CR1: variants seen among roughly 807,000 people sequenced by gnomAD.
The protein encoded by CR1 is complement receptor type 1.
CR1 carries 116 observed loss-of-function variants against 187.3 expected under a neutral mutation model. The ratio of observed to expected loss-of-function variants is 0.62; its 90% CI spans 0.53 to 0.72. The LOEUF (loss-of-function observed/expected upper bound fraction) is 0.72, where lower values mean the gene tolerates loss of function less well. Among genes scored for constraint, CR1 ranks in the 30% least tolerant of loss-of-function variants. The pLI is 0.00. For missense variants in CR1, 1,731 were observed against 2,110.7 expected (o/e 0.82, Z 3.52); for synonymous variants, 576 against 747.1 (o/e 0.77, Z 3.73).
At chr1:207,506,896 A>G in intron 3 of CR1, 83 bp downstream of exon 3, 1 of 1,127,222 alleles carries the variant, frequency 8.9e-7, no homozygotes. Flanking sequence ...CATGTCAGAA[A>G]GGACAACTAA....
At chr1:207,633,141 C>T (rs1662702195) in intron 46 of CR1, among the ~76,000 whole-genome samples, 1 of 152,198 alleles carries the variant, frequency 6.6e-6, no homozygotes, top group Non-Finnish European at 1.5e-5. Context: ...TCTAAATTCC[C>T]TGAACCCAGC....
intron 4 of CR1, among the ~76,000 whole-genome samples, chr1:207,515,702 C>G (rs1186912262): frequency 6.6e-6 from 1 of 151,962 alleles, no homozygotes; most frequent in African/African-American, 2.4e-5. Flanking sequence ...AAGTGCTATT[C>G]CAAACTTTTG....
intron 29 of CR1, 65 bp from the exon 30 acceptor site, chr1:207,580,175 G>T: frequency 6.3e-7 from 1 of 1,584,074 alleles, no homozygotes; most frequent in Non-Finnish European, 8.6e-7. Flanking sequence ...TAGCTATGAG[G>T]TCTTCAGGAA....
At position 207,617,600 on chromosome 1, in the gene CR1, TATATATATATATAGAGAGAGAGAG is replaced by T. The variant is rs1185676394; in HGVS notation, c.6890-469_6890-446del. 7.0e-3 allele frequency among the ~76,000 whole-genome samples: 230 copies of T among 32,976 alleles called. 1 individual carries two copies. Among genetic ancestry groups the T allele is most frequent in the Middle Eastern group, 0.013 (1 of 76 alleles). The allele number at this position is 32,976 out of a possible 152,430, so 21.6% of individuals were successfully genotyped here. ...GTGTATATATATATATATATATATATATATATATATATAGAGAGAGAGAGAGAGAGAGAGAGAGAGAGAGAGAGA... is the reference window on the plus strand; with the variant it reads ...GTGTATATATATATATATATATATATAGAGAGAGAGAGAGAGAGAGAGAGA... On this transcript the variant is annotated intron_variant, in intron 41 of 46. Transcript: ENST00000367049.
At position 207,577,234 on chromosome 1, in the gene CR1, G is replaced by C. The variant is rs562078041; in HGVS notation, c.4538-571G>C. ...CCACTGCACTCCAGTGTGGGGAACA[G>C]AGTGAGGATCTGTTAAAACAAACAA... On this transcript the variant is annotated intron_variant, in intron 28 of 46. Coordinates refer to ENST00000367049, the MANE Select transcript of CR1 (RefSeq NM_000651.6). Among the ~76,000 whole-genome samples, 52 of 150,912 alleles carry C rather than the reference G, an allele frequency of 3.4e-4. No individual in the cohort carries two copies. In the South Asian group the frequency reaches 0.011, roughly 32 times the overall value.
intron 34 of CR1, 90 bp downstream of exon 34, chr1:207,587,655 T>C (rs1439536587): frequency 1.6e-6 from 2 of 1,287,556 alleles, no homozygotes; most frequent in East Asian, 5.0e-5. Context: ...TCCCATCACT[T>C]TGGGAGGCCA....
intron 45 of CR1, among the ~76,000 whole-genome samples, chr1:207,626,546 C>T (rs1337505285): frequency 2.6e-5 from 4 of 152,128 alleles, no homozygotes; most frequent in Admixed American, 2.6e-4. Flanking sequence ...TGGAGAGTAT[C>T]GTAGTGGTCA....
rs1392069083 is a variant in CR1, at chr1:207,567,592, T to A, written c.3953-232T>A. Among the ~76,000 whole-genome samples the A allele has an allele frequency of 1.3e-5, 2 of 150,346 alleles. 1 individual carries two copies. The highest frequency in any genetic ancestry group is 5.0e-5 in the African/African-American group (2 of 39,716). On this transcript the variant is annotated intron_variant, in intron 24 of 46. Transcript: ENST00000367049. ...TGCTACTTCATTAAAGTTGTAAAGT[T>A]TCTACTGTCCAGGAACTGTTACTAT...
At chr1:207,609,745 G>A in intron 37 of CR1, 57 bp downstream of exon 37, 7 of 1,465,354 alleles carry the variant, frequency 4.8e-6, no homozygotes, top group Non-Finnish European at 6.3e-6. Flanking sequence ...GATGATAGGA[G>A]TTGTTGAAAT....
At chr1:207,614,340 G>A (rs1662029968) in intron 39 of CR1, 64 bp from the exon 40 acceptor site, 4 of 1,290,090 alleles carry the variant, frequency 3.1e-6, no homozygotes, top group Non-Finnish European at 4.5e-6. Context: ...GCATCTATTA[G>A]CGAAGAAATC....
intron 3 of CR1, among the ~76,000 whole-genome samples, chr1:207,510,581 A>G (rs923589771): frequency 6.6e-6 from 1 of 152,248 alleles, no homozygotes; most frequent in Non-Finnish European, 1.5e-5. Context: ...AATAAATGTC[A>G]TAAATTATTC....
rs1419097801 is a variant in CR1, at chr1:207,605,338, CA to C, written c.5811-1912del. On this transcript the variant is annotated intron_variant, in intron 35 of 46. Transcript: ENST00000367049. ...AAGAGTAGATTTTAAATATTCTCACCACACACACACACACACACACACACAC... is the reference window on the plus strand; with the variant it reads ...AAGAGTAGATTTTAAATATTCTCACCCACACACACACACACACACACACAC... Among the ~76,000 whole-genome samples, 3 of 49,650 alleles carry C rather than the reference CA, an allele frequency of 6.0e-5. No individual in the cohort carries two copies. The African/African-American group carries it at 6.6e-4, about 11-fold the overall frequency. The allele number at this position is 49,650 out of a possible 152,430, so 32.6% of individuals were successfully genotyped here.
At chr1:207,512,055 C>A (rs988508739) in intron 4 of CR1, among the ~76,000 whole-genome samples, 3 of 152,182 alleles carry the variant, frequency 2.0e-5, no homozygotes, top group Non-Finnish European at 4.4e-5. Flanking sequence ...ATCAACACAT[C>A]CTCTTGAAAG....
At chr1:207,515,325 T>TATAGTGTGTATA (rs1659777641) in intron 4 of CR1, among the ~76,000 whole-genome samples, 3 of 150,214 alleles carry the variant, frequency 2.0e-5, no homozygotes, top group African/African-American at 2.4e-5. Context: ...TACACATATA[T>TATAGTGTGTATA]ATAGTGTGTA....
rs1165614076 is a variant in CR1, at chr1:207,567,851, T to C, written c.3980T>C (p.Ile1327Thr). Residue 1327 changes from isoleucine to threonine, a missense_variant, in exon 25 of 47, where the codon ATT (isoleucine) becomes ACT (threonine). Coordinates refer to ENST00000367049, the MANE Select transcript of CR1 (RefSeq NM_000651.6). ...EQIFCPSPPVIPNGRHTGKPL... is the reference protein window; with the variant it reads ...EQIFCPSPPVTPNGRHTGKPL... ...ATCTTTTGTCCAAGTCCTCCAGTTA[T>C]TCCTAATGGGAGACACACAGGAAAA... The C allele has an allele frequency of 2.5e-6, 4 of 1,611,056 alleles. No individual in the cohort carries two copies. The Admixed American group carries it at 6.7e-5, about 27-fold the overall frequency.
At chr1:207,523,157 AAT>A (rs1296548909) in intron 4 of CR1, among the ~76,000 whole-genome samples, 5 of 152,198 alleles carry the variant, frequency 3.3e-5, no homozygotes, top group Non-Finnish European at 4.4e-5. Context: ...TATACATAAA[AAT>A]ATGTTTAAAT....
chr1:207,621,979 A>G lies in CR1; in HGVS notation c.7259A>G (p.His2420Arg), dbSNP rs1181338817. Reference protein sequence around the residue: ...PPLAKCTSRTHDALIVGTLSG... With the variant: ...PPLAKCTSRTRDALIVGTLSG... ...ACTTTTGTCTTCCTTTTAGGTACAC[A>G]TGATGCTCTCATAGTTGGTAAGTTT... The change falls in exon 44 of 47, where the codon CAT (histidine) becomes CGT (arginine). Residue 2420 changes from histidine (H) to arginine (R), a missense_variant. His to Arg is a conservative substitution (Grantham distance 29). Coordinates refer to ENST00000367049, the MANE Select transcript of CR1 (RefSeq NM_000651.6). 3 of 1,597,798 alleles carry G rather than the reference A, an allele frequency of 1.9e-6. No homozygotes were observed. The highest frequency in any genetic ancestry group is 3.5e-5 in the Admixed American group (2 of 57,866).
At chr1:207,636,646 G>A (rs1662823891) in intron 46 of CR1, among the ~76,000 whole-genome samples, 1 of 152,182 alleles carries the variant, frequency 6.6e-6, no homozygotes, top group Non-Finnish European at 1.5e-5. Flanking sequence ...CTGAACAGAA[G>A]AGTGCAATGC....
At chr1:207,601,532 C>T (rs1388952196) in intron 35 of CR1, among the ~76,000 whole-genome samples, 1 of 152,106 alleles carries the variant, frequency 6.6e-6, no homozygotes, top group Non-Finnish European at 1.5e-5. Context: ...ACATCCCCAT[C>T]AGCAATGCAC....
Sources: allele counts gnomAD v4.1 joint callset (sites outside exome capture counted in the v4.1 genomes callset), GRCh38; gene constraint gnomAD v4.1.1; transcripts MANE v1.5; gene names NCBI Gene and HGNC (gene_info 2026-07-23, HGNC 2026-07-21).